WWOX: variants seen among roughly 807,000 people sequenced by gnomAD.
The protein encoded by WWOX is WW domain-containing oxidoreductase.
Under a neutral mutation model 46.2 loss-of-function variants are expected in WWOX, and 69 were observed. That is an observed-to-expected ratio of 1.49 (90% CI 1.23 to 1.82). WWOX has a LOEUF of 1.82. Ranked by LOEUF, WWOX falls within the 40% of genes most tolerant of loss-of-function variation. WWOX has a pLI of 0.00. For synonymous variants in WWOX, 359 were observed against 202.6 expected (o/e 1.77, Z -6.56); for missense variants, 919 against 542.6 (o/e 1.69, Z -6.89).
chr16:79,143,869 A>G (rs1211192514), intron 8 of WWOX, among the ~76,000 whole-genome samples: 1 of 152,116 alleles, frequency 6.6e-6, no homozygotes, highest in Non-Finnish European at 1.5e-5. Context: ...GCTAGCCACC[A>G]TGTTATACCC....
intron 8 of WWOX, among the ~76,000 whole-genome samples, chr16:78,973,541 T>G (rs2046513120): frequency 6.6e-6 from 1 of 152,194 alleles, no homozygotes; most frequent in African/African-American, 2.4e-5. Context: ...TTATTTATTT[T>G]CTTTTTGCTT....
At chr16:78,319,101 G>A (rs551312209) in intron 5 of WWOX, among the ~76,000 whole-genome samples, 1 of 152,016 alleles carries the variant, frequency 6.6e-6, no homozygotes, top group Non-Finnish European at 1.5e-5. Context: ...AGAGAGAGTC[G>A]GATGAGTCAG....
intron 8 of WWOX, among the ~76,000 whole-genome samples, chr16:78,978,394 C>G (rs999152021): frequency 2.0e-5 from 3 of 152,154 alleles, no homozygotes; most frequent in Non-Finnish European, 4.4e-5. Flanking sequence ...TTCTTTTTAA[C>G]TTTTTGGGGA....
chr16:78,450,535 C>G (rs36061067), intron 8 of WWOX, among the ~76,000 whole-genome samples: 9 of 152,236 alleles, frequency 5.9e-5, no homozygotes, highest in Admixed American at 5.9e-4. Flanking sequence ...TACTGTGTAT[C>G]AACTACTGAG....
intron 8 of WWOX, among the ~76,000 whole-genome samples, chr16:78,819,494 T>G (rs547137897): frequency 1.3e-5 from 2 of 152,316 alleles, no homozygotes; most frequent in South Asian, 2.1e-4. Flanking sequence ...TTCTGCATAA[T>G]CCACCACTTA....
intron 8 of WWOX, among the ~76,000 whole-genome samples, chr16:79,030,317 C>G (rs1362110194): frequency 6.6e-6 from 1 of 152,188 alleles, no homozygotes; most frequent in Non-Finnish European, 1.5e-5. Flanking sequence ...CCAGTGCGTA[C>G]GCAGATCTTC....
chr16:79,137,989 C>T (rs556926835), intron 8 of WWOX, among the ~76,000 whole-genome samples: 7 of 152,244 alleles, frequency 4.6e-5, no homozygotes, highest in Admixed American at 1.3e-4. Flanking sequence ...AAGATAGACC[C>T]GTTTACATTC....
chr16:78,928,208 T>TC (rs1325028488), intron 8 of WWOX, among the ~76,000 whole-genome samples: 45 of 150,392 alleles, frequency 3.0e-4, no homozygotes, highest in African/African-American at 1.0e-3. Context: ...CTTTTCTTTT[T>TC]TTTTTTTTTT....
At position 78,345,317 on chromosome 16, in the gene WWOX, G is replaced by A. The variant is rs1251681432; in HGVS notation, c.517-41543G>A. Among the ~76,000 whole-genome samples, 2 of 113,324 alleles carry A rather than the reference G, an allele frequency of 1.8e-5. 1 individual carries two copies. Among genetic ancestry groups the A allele is most frequent in the Non-Finnish European group, 4.2e-5 (2 of 48,176 alleles). 74.3% of individuals were successfully genotyped at this position (113,324 alleles called of 152,430 possible). A position where few individuals can be genotyped will look rare whatever the true frequency, so the allele number is the denominator to read the frequency against. On this transcript the variant is annotated intron_variant, in intron 5 of 8. Transcript: ENST00000566780. Reference sequence around the variant, plus strand: ...AAGTCACAATTACTTTTGTACCAACGTAATAGAATTAAGTAAAATAAGGCT... The same window carrying A: ...AAGTCACAATTACTTTTGTACCAACATAATAGAATTAAGTAAAATAAGGCT...
chr16:79,074,176 G>A (rs747248871), intron 8 of WWOX, among the ~76,000 whole-genome samples: 1 of 152,022 alleles, frequency 6.6e-6, no homozygotes, highest in African/African-American at 2.4e-5. Context: ...CCCCAAGTTG[G>A]AGCTGTGTGT....
intron 8 of WWOX, among the ~76,000 whole-genome samples, chr16:78,658,048 G>C (rs1186140620): frequency 6.6e-6 from 1 of 152,174 alleles, no homozygotes; most frequent in East Asian, 1.9e-4. Context: ...GAGATTCTTT[G>C]TTGGGGGGGA....
intron 8 of WWOX, among the ~76,000 whole-genome samples, chr16:78,674,245 C>T (rs943262234): frequency 2.0e-5 from 3 of 150,918 alleles, no homozygotes; most frequent in African/African-American, 2.4e-5. Flanking sequence ...TGTGGGGAAG[C>T]ACTCCCCATC....
chr16:78,616,416 C>T (rs1399694168), intron 8 of WWOX, among the ~76,000 whole-genome samples: 3 of 152,068 alleles, frequency 2.0e-5, no homozygotes, highest in South Asian at 2.1e-4. Context: ...CATAGGTGTC[C>T]ATCTTGCTAT....
intron 8 of WWOX, among the ~76,000 whole-genome samples, chr16:78,663,022 A>G (rs573327960): frequency 9.2e-5 from 14 of 152,296 alleles, no homozygotes; most frequent in Admixed American, 2.6e-4. Flanking sequence ...CAGTACTGCA[A>G]TAGTCTCCCT....
At chr16:78,226,528 T>TCTC (rs934363333) in intron 5 of WWOX, among the ~76,000 whole-genome samples, 1 of 134,344 alleles carries the variant, frequency 7.4e-6, no homozygotes, top group Admixed American at 7.8e-5. Flanking sequence ...CTTCTCTCCT[T>TCTC]CTCCTCCTCC....
At chr16:78,630,458 G>A (rs2046401157) in intron 8 of WWOX, among the ~76,000 whole-genome samples, 1 of 152,176 alleles carries the variant, frequency 6.6e-6, no homozygotes, top group Non-Finnish European at 1.5e-5. Context: ...TACAGAGAGG[G>A]TGCCTACGTG....
intron 5 of WWOX, among the ~76,000 whole-genome samples, chr16:78,375,714 A>C (rs2081804761): frequency 6.6e-6 from 1 of 152,284 alleles, no homozygotes; most frequent in Non-Finnish European, 1.5e-5. Context: ...CCAGGAATTC[A>C]TCTTAAAGAA....
intron 8 of WWOX, among the ~76,000 whole-genome samples, chr16:79,142,323 G>A (rs2050105525): frequency 6.6e-6 from 1 of 152,132 alleles, no homozygotes; most frequent in Admixed American, 6.5e-5. Flanking sequence ...GAGTAGAAAT[G>A]GCTCAATTTT....
In WWOX at chr16:78,640,878, G is replaced by T. The variant is rs528459070; in HGVS notation, c.1056+208126G>T. The stretch of plus-strand genomic sequence containing the variant: ...TGCTTGAACCTGGGAAGCAGAGGTT[G>T]CAGTGAGCCGAGATCATGCCACTGC... On this transcript the variant is annotated intron_variant, in intron 8 of 8. Coordinates refer to ENST00000566780, the MANE Select transcript of WWOX (RefSeq NM_016373.4). 6.6e-5 allele frequency among the ~76,000 whole-genome samples: 10 copies of T among 150,912 alleles called. No homozygotes were observed. In the Admixed American group the frequency reaches 6.6e-4, roughly 10 times the overall value.
Sources: allele counts gnomAD v4.1 joint callset (sites outside exome capture counted in the v4.1 genomes callset), GRCh38; gene constraint gnomAD v4.1.1; transcripts MANE v1.5; gene names NCBI Gene and HGNC (gene_info 2026-07-23, HGNC 2026-07-21).